SGCZ: variants seen among roughly 807,000 people sequenced by gnomAD.
The protein encoded by SGCZ is sarcoglycan zeta.
In SGCZ, 40 loss-of-function variants were observed where a neutral mutation model predicts 41.3. That is an observed-to-expected ratio of 0.97 (90% CI 0.75 to 1.26). SGCZ has a LOEUF of 1.26. Among genes scored for constraint, SGCZ ranks in the 50% most tolerant of loss-of-function variants. The pLI is 0.00. For missense variants in SGCZ, 552 were observed against 369.8 expected (o/e 1.49, Z -4.04); for synonymous variants, 206 against 137.5 (o/e 1.50, Z -3.49).
intron 1 of SGCZ, among the ~76,000 whole-genome samples, chr8:15,221,183 A>G (rs1426874645): frequency 6.6e-6 from 1 of 152,148 alleles, no homozygotes; most frequent in African/African-American, 2.4e-5. Context: ...ATAAGCAAAT[A>G]ATTACATTTA....
chr8:14,625,762 G>C (rs975544025), intron 1 of SGCZ, among the ~76,000 whole-genome samples: 17 of 152,168 alleles, frequency 1.1e-4, no homozygotes, highest in African/African-American at 4.1e-4. Context: ...TCTCCCCCAA[G>C]TTTGAATTCT....
chr8:14,876,480 G>A (rs566097889), intron 1 of SGCZ, among the ~76,000 whole-genome samples: 1 of 152,186 alleles, frequency 6.6e-6, no homozygotes, highest in Non-Finnish European at 1.5e-5. Context: ...ACAAGTGGAA[G>A]GAAGAAAATA....
rs569404587 is a variant in SGCZ, at chr8:14,412,653, C to A, written c.235-88449G>T. ...TTTTAATCTGCCTCATTTTCTTGTG[C>A]TATTCATTTCAATAAGGAATTACAA... is the stretch of plus-strand genomic sequence containing the variant. On this transcript the variant is annotated intron_variant, in intron 2 of 7. Coordinates refer to ENST00000382080, the MANE Select transcript of SGCZ (RefSeq NM_139167.4). Among the ~76,000 whole-genome samples the A allele has an allele frequency of 8.5e-5, 13 of 152,092 alleles. No individual in the cohort carries two copies. The South Asian group carries it at 2.7e-3, about 31-fold the overall frequency.
chr8:14,193,228 T>C (rs1805160922), intron 4 of SGCZ, among the ~76,000 whole-genome samples: 1 of 151,936 alleles, frequency 6.6e-6, no homozygotes, highest in African/African-American at 2.4e-5. Context: ...TGTCTACCTT[T>C]TCCACTACAT....
intron 1 of SGCZ, among the ~76,000 whole-genome samples, chr8:15,195,961 G>C (rs942958529): frequency 3.1e-5 from 4 of 130,162 alleles, no homozygotes; most frequent in East Asian, 4.6e-4. Flanking sequence ...GCAGTGGCGC[G>C]ATCTTGGCTC....
At chr8:14,845,299 C>A (rs889117132) in intron 1 of SGCZ, among the ~76,000 whole-genome samples, 1 of 152,066 alleles carries the variant, frequency 6.6e-6, no homozygotes, top group African/African-American at 2.4e-5. Flanking sequence ...GAGTACTGCT[C>A]CAGACATGCC....
intron 1 of SGCZ, among the ~76,000 whole-genome samples, chr8:14,916,465 A>G (rs1375980501): frequency 6.6e-6 from 1 of 152,230 alleles, no homozygotes; most frequent in Non-Finnish European, 1.5e-5. Flanking sequence ...AGATATGATA[A>G]TGTGGTAGCT....
chr8:15,036,470 G>T (rs1803881311), intron 1 of SGCZ, among the ~76,000 whole-genome samples: 1 of 151,848 alleles, frequency 6.6e-6, no homozygotes. Flanking sequence ...CTTAATACCT[G>T]GGTGATAAAA....
rs1554483941 is a variant in SGCZ, at chr8:14,702,964, G to GATAGATAGATAT, written c.40-148039_40-148038insATATCTATCTAT. 1.4e-3 allele frequency among the ~76,000 whole-genome samples: 191 copies of GATAGATAGATAT among 140,994 alleles called. 2 individuals are homozygous for GATAGATAGATAT. Among genetic ancestry groups the GATAGATAGATAT allele is most frequent in the South Asian group, 0.011 (45 of 4,234 alleles). The allele number at this position is 140,994 out of a possible 152,430, so 92.5% of individuals were successfully genotyped here. On this transcript the variant is annotated intron_variant, in intron 1 of 7. Coordinates refer to ENST00000382080, the MANE Select transcript of SGCZ (RefSeq NM_139167.4). ...AGATAGATAGATAGATAGATAGATAGATAGATAGACAGACAGACAGACAGA... is the reference window on the plus strand; with the variant it reads ...AGATAGATAGATAGATAGATAGATAGATAGATAGATATATAGATAGACAGACAGACAGACAGA...
chr8:14,627,855 T>A (rs936590914), intron 1 of SGCZ, among the ~76,000 whole-genome samples: 4 of 152,134 alleles, frequency 2.6e-5, no homozygotes, highest in African/African-American at 9.7e-5. Context: ...TCTATTGACT[T>A]ATTTCAGGAG....
chr8:14,612,485 G>C (rs1050794774), intron 1 of SGCZ, among the ~76,000 whole-genome samples: 4 of 152,132 alleles, frequency 2.6e-5, no homozygotes, highest in Non-Finnish European at 4.4e-5. Flanking sequence ...CCCAGACTCA[G>C]GGAAGTTCTT....
chr8:14,351,824 T>C (rs926674646), intron 2 of SGCZ, among the ~76,000 whole-genome samples: 1 of 152,100 alleles, frequency 6.6e-6, no homozygotes. Flanking sequence ...TTTTGCTTTA[T>C]CTCAAGAATA....
At chr8:15,027,646 T>C (rs1803508190) in intron 1 of SGCZ, among the ~76,000 whole-genome samples, 1 of 152,080 alleles carries the variant, frequency 6.6e-6, no homozygotes, top group South Asian at 2.1e-4. Flanking sequence ...AGATATAAAA[T>C]TGTGGCTTCA....
chr8:14,090,287 C>T lies in SGCZ; in HGVS notation c.*156G>A. On this transcript the variant is annotated 3_prime_UTR_variant, in exon 8 of 8. Transcript: ENST00000382080. ...CTGTGTTGAGCAGTACAGTAAATCA[C>T]AAGAGAAGGTGGTGGCGAATCCCTG... 1.5e-6 allele frequency: 1 copy of T among 680,564 alleles called. No homozygotes were observed. The highest frequency in any genetic ancestry group is 2.4e-6 in the Non-Finnish European group (1 of 420,488). 42.2% of individuals were successfully genotyped at this position (680,564 alleles called of 1,614,324 possible).
chr8:14,911,449 T>G (rs1799277864), intron 1 of SGCZ, among the ~76,000 whole-genome samples: 1 of 152,034 alleles, frequency 6.6e-6, no homozygotes, highest in East Asian at 1.9e-4. Context: ...AAGAAAGTAT[T>G]TGGTAACTAA....
rs139628663 is a variant in SGCZ, at chr8:14,868,450, A to T, written c.40-313524T>A. On this transcript the variant is annotated intron_variant, in intron 1 of 7. Coordinates refer to ENST00000382080, the MANE Select transcript of SGCZ (RefSeq NM_139167.4). ...TATACCTACCCAATTCCATTATGAA[A>T]CCATGAACTTCTGTATCTGTTTCAT... Among the ~76,000 whole-genome samples the T allele has an allele frequency of 7.2e-5, 11 of 152,224 alleles. No individual in the cohort carries two copies. The East Asian group carries it at 1.5e-3, about 21-fold the overall frequency.
intron 4 of SGCZ, among the ~76,000 whole-genome samples, chr8:14,198,497 A>T (rs1805349805): frequency 2.6e-5 from 4 of 152,160 alleles, no homozygotes; most frequent in Admixed American, 2.6e-4. Context: ...ATAGTATGCA[A>T]ACTTCTTTAA....
chr8:15,033,629 G>C (rs960564785), intron 1 of SGCZ, among the ~76,000 whole-genome samples: 8 of 152,112 alleles, frequency 5.3e-5, no homozygotes, highest in African/African-American at 1.9e-4. Context: ...CATCGGGACA[G>C]TTCCCATGGC....
chr8:15,065,149 G>C (rs758648767), intron 1 of SGCZ, among the ~76,000 whole-genome samples: 1 of 151,950 alleles, frequency 6.6e-6, no homozygotes, highest in Non-Finnish European at 1.5e-5. Context: ...CCAACAAGAC[G>C]GAACTGCTTA....
Sources: gnomAD v4.1 joint callset for allele counts (sites outside exome capture counted in the v4.1 genomes callset) on GRCh38, gnomAD v4.1.1 for gene constraint, MANE v1.5 for transcripts, NCBI Gene and HGNC (gene_info 2026-07-23, HGNC 2026-07-21) for gene names.